The following KAZN variants were observed in gnomAD, a reference collection of about 807,000 sequenced individuals.
KAZN encodes the protein kazrin, periplakin interacting protein.
KAZN carries 40 observed loss-of-function variants against 87.4 expected under a neutral mutation model. The ratio of observed to expected loss-of-function variants is 0.46; its 90% CI spans 0.36 to 0.60. The LOEUF (loss-of-function observed/expected upper bound fraction) is 0.60. KAZN is among the 20% of genes least tolerant of loss of function. The pLI, the probability that KAZN is intolerant of heterozygous loss-of-function variation, is 0.00. For synonymous variants in KAZN, 466 were observed against 458.3 expected (o/e 1.02, Z -0.22); for missense variants, 898 against 1,073.9 (o/e 0.84, Z 2.29).
chr1:14,710,354 A>C (rs1382580115), intron 1 of KAZN, among the ~76,000 whole-genome samples: 1 of 151,918 alleles, frequency 6.6e-6, no homozygotes. Flanking sequence ...TTAAACTGTA[A>C]ATCAGATGAC....
chr1:14,766,286 C>G (rs547373305), intron 1 of KAZN, among the ~76,000 whole-genome samples: 4 of 152,028 alleles, frequency 2.6e-5, no homozygotes, highest in Admixed American at 6.5e-5. Context: ...CCTGAGTGGA[C>G]ATGGATGCTG....
chr1:14,851,781 T>C (rs61773565), intron 1 of KAZN, among the ~76,000 whole-genome samples: 8,269 of 152,194 alleles, frequency 0.054, 333 homozygotes, highest in Admixed American at 0.11. Flanking sequence ...TAGACATGCT[T>C]AAGGGATGTC....
At chr1:14,485,074 C>T (rs770820379) in intron 2 of KAZN, among the ~76,000 whole-genome samples, 13 of 152,150 alleles carry the variant, frequency 8.5e-5, no homozygotes, top group Non-Finnish European at 1.6e-4. Flanking sequence ...GGCCATATGT[C>T]ACTCAATCTA....
At chr1:14,481,872 G>A (rs1669103628) in intron 2 of KAZN, among the ~76,000 whole-genome samples, 1 of 152,234 alleles carries the variant, frequency 6.6e-6, no homozygotes, top group Non-Finnish European at 1.5e-5. Context: ...CATCCTCAGA[G>A]CACCAGAGTG....
intron 8 of KAZN, 79 bp downstream of exon 8, chr1:15,065,832 G>GT: frequency 6.3e-7 from 1 of 1,583,752 alleles, no homozygotes; most frequent in Non-Finnish European, 8.6e-7. Flanking sequence ...CCGCAGGCGT[G>GT]TCTGTGCGTG....
intron 8 of KAZN, chr1:15,067,855 C>T (rs1048686020): frequency 2.4e-4 from 235 of 970,086 alleles, no homozygotes; most frequent in Non-Finnish European, 2.8e-4. Context: ...TTTTCTTGCC[C>T]ATGAATTTCT....
At chr1:13,909,793 C>A (rs1336632217) in intron 1 of KAZN, among the ~76,000 whole-genome samples, 1 of 152,142 alleles carries the variant, frequency 6.6e-6, no homozygotes, top group Admixed American at 6.5e-5. Context: ...CTGAGTTGAA[C>A]CCTGAGAATA....
At position 14,599,100 on chromosome 1, in the gene KAZN, C is replaced by T; in HGVS notation, c.103C>T (p.Arg35Trp). The change falls in exon 1 of 15, where the codon CGG becomes TGG. Residue 35 changes from arginine to tryptophan, a missense_variant. By Grantham distance (101) the Arg-to-Trp change is moderately radical (BLOSUM62 -3). Coordinates refer to ENST00000376030, the MANE Select transcript of KAZN (RefSeq NM_201628.3). The surrounding 1 kb of genome is among the most constrained non-coding windows in gnomAD (Gnocchi z 4.4). ...GCGAGCCGAACTCACGGCCACCAACCGGAGACTGGCGGAACTGAGCGGCGG... is the reference window on the plus strand; with the variant it reads ...GCGAGCCGAACTCACGGCCACCAACTGGAGACTGGCGGAACTGAGCGGCGG... ...NLRAELTATN[R>W]RLAELSGGGG... 1 of 1,558,204 alleles carries T rather than the reference C, an allele frequency of 6.4e-7. No individual in the cohort carries two copies. The highest frequency in any genetic ancestry group is 8.6e-7 in the Non-Finnish European group (1 of 1,156,932).
chr1:14,988,603 A>T (rs948847967), intron 2 of KAZN, among the ~76,000 whole-genome samples: 2 of 152,242 alleles, frequency 1.3e-5, no homozygotes, highest in African/African-American at 4.8e-5. Context: ...TAGTCAGGAC[A>T]TGGTGCTGAT....
At chr1:14,365,176 TG>T (rs1324825264) in intron 2 of KAZN, among the ~76,000 whole-genome samples, 1 of 152,090 alleles carries the variant, frequency 6.6e-6, no homozygotes, top group Non-Finnish European at 1.5e-5. Context: ...CCCGAGTAGC[TG>T]GTACTACAAG....
At chr1:14,090,397 C>A (rs1463710579) in intron 1 of KAZN, among the ~76,000 whole-genome samples, 1 of 151,184 alleles carries the variant, frequency 6.6e-6, no homozygotes, top group Non-Finnish European at 1.5e-5. Flanking sequence ...CTCTTTTTTT[C>A]TTCAGTGTCT....
At chr1:14,224,305 A>G (rs78217090) in intron 2 of KAZN, among the ~76,000 whole-genome samples, 1 of 152,204 alleles carries the variant, frequency 6.6e-6, no homozygotes, top group South Asian at 2.1e-4. Flanking sequence ...GCAAAGCATA[A>G]GGAGTAGAAC....
chr1:14,767,009 G>A (rs1379510414), intron 1 of KAZN, among the ~76,000 whole-genome samples: 1 of 152,130 alleles, frequency 6.6e-6, no homozygotes, highest in African/African-American at 2.4e-5. Flanking sequence ...GGATGTCAGA[G>A]AAGGCTTCTC....
chr1:14,303,075 C>T (rs1183189742), intron 2 of KAZN, among the ~76,000 whole-genome samples: 2 of 152,166 alleles, frequency 1.3e-5, no homozygotes, highest in Admixed American at 1.3e-4. Flanking sequence ...AAGTTCTAGA[C>T]TCAACCTTCT....
rs115909331 is a variant in KAZN at position 14,166,436 on chromosome 1, C to G, written c.92-13999C>G. Among the ~76,000 whole-genome samples, 419 of 152,276 alleles carry G rather than the reference C, an allele frequency of 2.8e-3. 1 individual carries two copies. Among genetic ancestry groups the G allele is most frequent in the African/African-American group, 9.8e-3 (408 of 41,548 alleles). ...TTGATTGCCTGTGTGACCTTGGGTA[C>G]CTCATGTCTTTGTCCTCAAGTTTCT... On this transcript the variant is annotated intron_variant, in intron 1 of 16. Transcript: ENST00000636203.
chr1:14,371,860 T>C (rs534952392), intron 2 of KAZN, among the ~76,000 whole-genome samples: 1 of 152,342 alleles, frequency 6.6e-6, no homozygotes, highest in East Asian at 1.9e-4. Context: ...ATGAAAGATG[T>C]AGTTAGTTTT....
chr1:14,434,382 C>T (rs1409796598), intron 2 of KAZN, among the ~76,000 whole-genome samples: 1 of 152,192 alleles, frequency 6.6e-6, no homozygotes, highest in Non-Finnish European at 1.5e-5. Context: ...TGTTTCATGT[C>T]TCTTTGGTAG....
At chr1:13,965,412 G>A (rs750288648) in intron 1 of KAZN, among the ~76,000 whole-genome samples, 39 of 152,050 alleles carry the variant, frequency 2.6e-4, no homozygotes, top group Non-Finnish European at 5.0e-4. Context: ...ATAGCTCGGT[G>A]CTCAGGATAT....
At chr1:14,816,366 G>A (rs1646562762) in intron 1 of KAZN, among the ~76,000 whole-genome samples, 1 of 152,132 alleles carries the variant, frequency 6.6e-6, no homozygotes, top group South Asian at 2.1e-4. Context: ...AGGCTCTACT[G>A]GGGAACAACC....
Sources: gnomAD v4.1 joint callset for allele counts (sites outside exome capture counted in the v4.1 genomes callset) on GRCh38, gnomAD v4.1.1 for gene constraint, Gnocchi (gnomAD v3.1) non-coding constraint, MANE v1.5 for transcripts, NCBI Gene and HGNC (gene_info 2026-07-23, HGNC 2026-07-21) for gene names.